HELZ: variants seen among roughly 807,000 people sequenced by gnomAD.
HELZ encodes helicase with zinc finger, also known as ATP-dependent RNA helicase with zinc finger domain.
Under a neutral mutation model 218.2 loss-of-function variants are expected in HELZ, and 23 were observed. The observed-to-expected ratio is 0.11, with a 90% confidence interval of 0.08 to 0.15. The LOEUF is 0.15. HELZ is among the 10% of genes least tolerant of loss of function. The pLI, the probability that HELZ is intolerant of heterozygous loss-of-function variation, is 1.00. For missense variants in HELZ, 1,813 were observed against 2,353.7 expected, an observed-to-expected ratio of 0.77 and a Z score of 4.75; for synonymous variants, 814 against 829.4, an observed-to-expected ratio of 0.98 and a Z score of 0.32.
intron 17 of HELZ, among the ~76,000 whole-genome samples, chr17:67,156,524 CT>C (rs2038846939): frequency 6.6e-6 from 1 of 152,132 alleles, no homozygotes; most frequent in South Asian, 2.1e-4. Flanking sequence ...ACATAAACAA[CT>C]TCTACATCAC....
At chr17:67,145,612 T>A (rs1450031048) in intron 21 of HELZ, 131 bp downstream of exon 21, 1 of 653,360 alleles carries the variant, frequency 1.5e-6, no homozygotes, top group Non-Finnish European at 2.6e-6. Context: ...GAATAAACTT[T>A]ACATACTATT....
intron 3 of HELZ, among the ~76,000 whole-genome samples, chr17:67,236,978 A>G (rs1039310593): frequency 1.3e-5 from 2 of 152,182 alleles, no homozygotes; most frequent in South Asian, 2.1e-4. Flanking sequence ...AACTGCCTCA[A>G]TTGGTCCTCT....
chr17:67,220,860 C>CCCAAA (rs1555626578), intron 3 of HELZ, among the ~76,000 whole-genome samples: 1 of 132,000 alleles, frequency 7.6e-6, no homozygotes, highest in African/African-American at 3.0e-5. Context: ...CCCCCCCCCC[C>CCCAAA]AAAAAAAAAG....
In HELZ at chr17:67,143,706, T is replaced by A. The variant is rs562837606; in HGVS notation, c.2769+2037A>T. Among the ~76,000 whole-genome samples the A allele has an allele frequency of 3.0e-4, 45 of 152,294 alleles. 1 individual carries two copies. The highest frequency in any genetic ancestry group is 1.0e-3 in the African/African-American group (43 of 41,580). Reference sequence around the variant, plus strand: ...CATTGAATTGAAACCATTTCATTACTGTGGGATATAAGTTCAGAATCAAGA... The same window carrying A: ...CATTGAATTGAAACCATTTCATTACAGTGGGATATAAGTTCAGAATCAAGA... On this transcript the variant is annotated intron_variant, in intron 21 of 32. Transcript: ENST00000358691.
At chr17:67,125,243 C>A (rs1158045572) in intron 24 of HELZ, among the ~76,000 whole-genome samples, 1 of 128,230 alleles carries the variant, frequency 7.8e-6, no homozygotes, top group African/African-American at 3.1e-5. Flanking sequence ...ATAGTTGGTC[C>A]ATTAACCTCA....
Position 67,078,504 on chromosome 17 carries a change from C to T in HELZ, c.5577G>A (p.Val1859=), listed in dbSNP as rs762308723. The change falls in exon 33 of 33, where the codon GTG becomes GTA. Residue 1859 remains valine (V), a synonymous_variant. Transcript: ENST00000358691. Reference sequence around the variant, plus strand: ...GTGGAAACTGGCCAAGATGCTGCAGCACACTGTAGTTGAAGGAACTGGACA... The same window carrying T: ...GTGGAAACTGGCCAAGATGCTGCAGTACACTGTAGTTGAAGGAACTGGACA... ...LEVSSSFNYS[V]LQHLGQFPPL... is the part of the protein sequence containing the mutation. 3.2e-6 allele frequency: 5 copies of T among 1,547,322 alleles called. No individual in the cohort carries two copies. Among genetic ancestry groups the T allele is most frequent in the Non-Finnish European group, 4.3e-6 (5 of 1,152,166 alleles).
chr17:67,148,765 T>C lies in HELZ; in HGVS notation c.2476-51A>G, dbSNP rs377680683. 77 of 1,499,936 alleles carry C rather than the reference T, an allele frequency of 5.1e-5. 1 individual carries two copies. Among genetic ancestry groups the C allele is most frequent in the South Asian group, 3.6e-4 (27 of 75,778 alleles). 92.9% of individuals were successfully genotyped at this position (1,499,936 alleles called of 1,614,324 possible). A position where few individuals can be genotyped will look rare whatever the true frequency, so the allele number is the denominator to read the frequency against. On this transcript the variant is annotated intron_variant, in intron 19 of 32. Transcript: ENST00000358691. ...AGTTTAACTGAACATACAAATAGTA[T>C]TTTTTAACCTACTTATAAAAAATCC...
At chr17:67,196,475 T>C (rs1307999492) in intron 7 of HELZ, among the ~76,000 whole-genome samples, 1 of 152,170 alleles carries the variant, frequency 6.6e-6, no homozygotes, top group African/African-American at 2.4e-5. Context: ...CTTTCTATAT[T>C]CTTGCACCTC....
At position 67,147,273 on chromosome 17, in the gene HELZ, T is replaced by C. The variant is rs1162674306; in HGVS notation, c.2621+1296A>G. On this transcript the variant is annotated intron_variant, in intron 20 of 32. Coordinates refer to ENST00000358691, the MANE Select transcript of HELZ (RefSeq NM_014877.4). ...GTGTTATTTTATTTGTATGTGTAGA[T>C]ATATATAGATATAGATATAGACATA... is the stretch of plus-strand genomic sequence containing the variant. 2.0e-5 allele frequency among the ~76,000 whole-genome samples: 3 copies of C among 152,206 alleles called. No individual in the cohort carries two copies. In the East Asian group the frequency reaches 5.8e-4, roughly 29 times the overall value.
intron 13 of HELZ, among the ~76,000 whole-genome samples, chr17:67,175,570 T>C (rs1567864666): frequency 6.6e-6 from 1 of 152,244 alleles, no homozygotes; most frequent in Non-Finnish European, 1.5e-5. Flanking sequence ...TACTTGCTTA[T>C]AGATGCATTC....
intron 13 of HELZ, among the ~76,000 whole-genome samples, chr17:67,174,537 G>A (rs2039400793): frequency 6.6e-6 from 1 of 152,114 alleles, no homozygotes; most frequent in Non-Finnish European, 1.5e-5. Flanking sequence ...GGTAGCTCGC[G>A]CCTGTAATCC....
intron 32 of HELZ, among the ~76,000 whole-genome samples, chr17:67,080,176 A>G (rs1172487144): frequency 6.6e-6 from 1 of 152,116 alleles, no homozygotes; most frequent in East Asian, 1.9e-4. Flanking sequence ...ATAACTGTTC[A>G]TTTATTTTTC....
At chr17:67,147,027 TAA>T (rs1313950127) in intron 20 of HELZ, among the ~76,000 whole-genome samples, 10 of 152,208 alleles carry the variant, frequency 6.6e-5, no homozygotes, top group African/African-American at 2.4e-4. Flanking sequence ...AACTTATTAA[TAA>T]GTTTCATGGT....
intron 2 of HELZ, among the ~76,000 whole-genome samples, chr17:67,241,883 T>C (rs1390460391): frequency 6.6e-6 from 1 of 152,238 alleles, no homozygotes; most frequent in Non-Finnish European, 1.5e-5. Context: ...TAGAATACTT[T>C]GTGTAACAAG....
At chr17:67,133,342 T>C (rs1030096768) in intron 23 of HELZ, among the ~76,000 whole-genome samples, 13 of 152,148 alleles carry the variant, frequency 8.5e-5, no homozygotes, top group Admixed American at 2.0e-4. Flanking sequence ...ACCCATTTGC[T>C]CTAAGAAAGT....
intron 15 of HELZ, among the ~76,000 whole-genome samples, chr17:67,163,093 A>G (rs1020515422): frequency 2.6e-5 from 4 of 152,240 alleles, no homozygotes; most frequent in African/African-American, 9.6e-5. Flanking sequence ...CATTTGCATC[A>G]GATGGTTATT....
In HELZ at chr17:67,148,686, G is replaced by A. The variant is rs1195857757; in HGVS notation, c.2504C>T (p.Ala835Val). The change falls in exon 20 of 33, where the codon GCC (alanine) becomes GTC (valine). Residue 835 changes from alanine (A) to valine (V), a missense_variant. Around this residue, in one of 4 missense-constraint regions of HELZ, gnomAD observed 714 missense variants for 1,029.2 expected, o/e 0.69. Coordinates refer to ENST00000358691, the MANE Select transcript of HELZ (RefSeq NM_014877.4). ...TGAAACGTGAAGGTTTCTCTCCCTG[G>A]CAAACTCGCTGTAAACAAAAGGACT... ...QLSPFVYSEF[A>V]RERNLHVSLL... is the part of the protein sequence containing the mutation. 3 of 1,613,104 alleles carry A rather than the reference G, an allele frequency of 1.9e-6. No homozygotes were observed. The highest frequency in any genetic ancestry group is 4.5e-5 in the East Asian group (2 of 44,840).
In HELZ at chr17:67,138,120, AAAAC is replaced by A. The variant is rs1296328602; in HGVS notation, c.2770-10_2770-7del. On this transcript the variant is annotated splice_polypyrimidine_tract_variant and splice_region_variant and intron_variant, in intron 21 of 32. Transcript: ENST00000358691. ...CGTTCCACCACTTCAAACACCTTTA[AAAAC>A]AAACACACACATACATATTAAAGTT... is the stretch of plus-strand genomic sequence containing the variant. 9 of 1,606,374 alleles carry A rather than the reference AAAAC, an allele frequency of 5.6e-6. No individual in the cohort carries two copies. The highest frequency in any genetic ancestry group is 1.3e-5 in the African/African-American group (1 of 74,898).
chr17:67,150,332 T>C (rs778350376), intron 18 of HELZ, among the ~76,000 whole-genome samples: 6 of 151,994 alleles, frequency 3.9e-5, no homozygotes, highest in Non-Finnish European at 8.8e-5. Flanking sequence ...GGTTTCACTG[T>C]ATTTCCCAGT....
Sources: gnomAD v4.1 joint callset for allele counts (sites outside exome capture counted in the v4.1 genomes callset) on GRCh38, gnomAD v4.1.1 for gene constraint, gnomAD v4.1.1 regional missense constraint, MANE v1.5 for transcripts, NCBI Gene and HGNC (gene_info 2026-07-23, HGNC 2026-07-21) for gene names.